RASSF6: variants seen among roughly 807,000 people sequenced by gnomAD.
The protein encoded by RASSF6 is ras association domain-containing protein 6.
In RASSF6, 52 loss-of-function variants were observed where a neutral mutation model predicts 44.0. The observed-to-expected ratio is 1.18, with a 90% CI of 0.95 to 1.49. RASSF6 has a LOEUF of 1.49. Among genes scored for constraint, RASSF6 ranks in the 40% most tolerant of loss-of-function variants. RASSF6 has a pLI of 0.00. For missense variants in RASSF6, 464 were observed against 393.3 expected, an observed-to-expected ratio of 1.18 and a Z score of -1.52; for synonymous variants, 162 against 124.6, an observed-to-expected ratio of 1.30 and a Z score of -2.00.
chr4:73,598,851 TTAACA>T (rs1319780107), intron 2 of RASSF6, 133 bp from the exon 3 acceptor site: 7 of 480,376 alleles, frequency 1.5e-5, no homozygotes, highest in African/African-American at 4.1e-5. Flanking sequence ...TCACTTTAAC[TTAACA>T]TAAGTCATTG....
chr4:73,594,973 T>C (rs1724831440), intron 3 of RASSF6, among the ~76,000 whole-genome samples: 1 of 152,206 alleles, frequency 6.6e-6, no homozygotes. Context: ...TAAATATTTG[T>C]TTAATTAATT....
At chr4:73,579,607 T>G (rs1248508700) in intron 8 of RASSF6, among the ~76,000 whole-genome samples, 1 of 152,134 alleles carries the variant, frequency 6.6e-6, no homozygotes, top group Non-Finnish European at 1.5e-5. Flanking sequence ...TGTATTTTCA[T>G]GCTTTTTTCT....
chr4:73,583,558 C>A (rs937873098), intron 6 of RASSF6, among the ~76,000 whole-genome samples: 38 of 152,082 alleles, frequency 2.5e-4, no homozygotes, highest in Non-Finnish European at 4.0e-4. Context: ...CGACACACAG[C>A]AACTTAAGAA....
Position 73,576,701 on chromosome 4 carries a change from G to T in RASSF6, c.752C>A (p.Pro251Gln). The T allele has an allele frequency of 6.2e-7, 1 of 1,611,862 alleles. No individual in the cohort carries two copies. The highest frequency in any genetic ancestry group is 8.5e-7 in the Non-Finnish European group (1 of 1,178,494). ...TCCCTGTAGGAGCCTCTGCAGTAGC[G>T]GAATGTCTGTCTTCTTTAGTCGTCT... Reference protein sequence around the residue: ...EQRRLKKTDIPLLQRLLQGPS... With the variant: ...EQRRLKKTDIQLLQRLLQGPS... Residue 251 changes from proline (P) to glutamine (Q), a missense_variant, in exon 9 of 11, where the codon CCG (proline) becomes CAG (glutamine). Transcript: ENST00000307439.
At chr4:73,579,027 C>T (rs1723435956) in intron 8 of RASSF6, among the ~76,000 whole-genome samples, 1 of 152,036 alleles carries the variant, frequency 6.6e-6, no homozygotes, top group African/African-American at 2.4e-5. Flanking sequence ...CCATATATAC[C>T]ACATACTTAA....
chr4:73,593,843 C>T (rs1724746815), intron 3 of RASSF6, among the ~76,000 whole-genome samples: 1 of 152,180 alleles, frequency 6.6e-6, no homozygotes, highest in African/African-American at 2.4e-5. Flanking sequence ...CACCAGAGGG[C>T]ACAGTATGTC....
intron 3 of RASSF6, among the ~76,000 whole-genome samples, chr4:73,595,014 A>T (rs760578724): frequency 6.6e-6 from 1 of 152,196 alleles, no homozygotes; most frequent in Non-Finnish European, 1.5e-5. Context: ...ATAAAGCCAC[A>T]TATTGTCATC....
chr4:73,593,789 C>A (rs937361959), intron 3 of RASSF6, among the ~76,000 whole-genome samples, 196 bp from the exon 4 acceptor site: 4 of 152,210 alleles, frequency 2.6e-5, no homozygotes, highest in African/African-American at 9.7e-5. Flanking sequence ...TTGAAAACAG[C>A]TATACCCAGC....
chr4:73,600,253 T>G (rs561855929), intron 2 of RASSF6, among the ~76,000 whole-genome samples: 7 of 152,312 alleles, frequency 4.6e-5, no homozygotes, highest in African/African-American at 1.7e-4. Flanking sequence ...TTGTTCACAC[T>G]GTATCCTGTG....
At chr4:73,602,163 AT>A (rs1218525295) in intron 2 of RASSF6, among the ~76,000 whole-genome samples, 4 of 152,264 alleles carry the variant, frequency 2.6e-5, no homozygotes, top group African/African-American at 7.2e-5. Context: ...TGAGCAATGA[AT>A]GAGCCCCGTG....
At chr4:73,598,739 A>G in intron 2 of RASSF6, 21 bp from the exon 3 acceptor site, 2 of 1,053,390 alleles carry the variant, frequency 1.9e-6, no homozygotes, top group Non-Finnish European at 2.8e-6. Flanking sequence ...AAAAAAATTA[A>G]TTACAATCAG....
At chr4:73,614,281 T>C (rs1459165754) in intron 1 of RASSF6, among the ~76,000 whole-genome samples, 1 of 152,200 alleles carries the variant, frequency 6.6e-6, no homozygotes, top group Non-Finnish European at 1.5e-5. Context: ...CTCCCTCTGT[T>C]GTGGTCTGAA....
intron 1 of RASSF6, among the ~76,000 whole-genome samples, chr4:73,613,572 T>C (rs1430185842): frequency 2.0e-5 from 3 of 152,088 alleles, no homozygotes; most frequent in Admixed American, 2.0e-4. Flanking sequence ...TCCAGATTAT[T>C]TATCATATAT....
In RASSF6 at chr4:73,581,826, CA is replaced by C. The variant is rs776188559; in HGVS notation, c.711del (p.Phe237LeufsTer9). ...SPQDFALHII[F>X]ATGEQRRLKK... ...GATCAAGCTTTCTTACCTCCTGTTG[CA>C]AAAATAATGTGAAGAGCAAAATCCT... On this transcript the variant is annotated frameshift_variant, in exon 8 of 11. Coordinates refer to ENST00000307439, the MANE Select transcript of RASSF6 (RefSeq NM_177532.5). LOFTEE classifies it high-confidence loss of function. 1 of 1,608,594 alleles carries C rather than the reference CA, an allele frequency of 6.2e-7. No homozygotes were observed. The highest frequency in any genetic ancestry group is 1.1e-5 in the South Asian group (1 of 90,690).
At chr4:73,588,996 G>A (rs79272273) in intron 4 of RASSF6, among the ~76,000 whole-genome samples, 4,416 of 152,062 alleles carry the variant, frequency 0.029, 87 homozygotes, top group South Asian at 0.06. Flanking sequence ...GACTCTGCCC[G>A]AATTTCATTG....
At chr4:73,578,742 G>C (rs1344865035) in intron 8 of RASSF6, among the ~76,000 whole-genome samples, 1 of 151,764 alleles carries the variant, frequency 6.6e-6, no homozygotes, top group East Asian at 1.9e-4. Context: ...CTGAGTAGCT[G>C]GGATTACAGG....
intron 3 of RASSF6, 143 bp downstream of exon 3, chr4:73,598,497 G>T: frequency 4.0e-6 from 2 of 505,666 alleles, no homozygotes; most frequent in Non-Finnish European, 7.0e-6. Flanking sequence ...TGCTTAGAAA[G>T]TCACAAGTGT....
intron 1 of RASSF6, among the ~76,000 whole-genome samples, chr4:73,617,061 C>G (rs1034908073): frequency 3.3e-5 from 5 of 152,202 alleles, no homozygotes; most frequent in African/African-American, 1.2e-4. Context: ...TTTGCAGAGA[C>G]AGTAAAGGTC....
intron 1 of RASSF6, among the ~76,000 whole-genome samples, chr4:73,613,250 C>A (rs1726142870): frequency 6.6e-6 from 1 of 152,160 alleles, no homozygotes; most frequent in South Asian, 2.1e-4. Flanking sequence ...AGGACTCATA[C>A]CAGAGACACA....
Sources: gnomAD v4.1 joint callset for allele counts (sites outside exome capture counted in the v4.1 genomes callset) on GRCh38, gnomAD v4.1.1 for gene constraint, MANE v1.5 for transcripts, NCBI Gene and HGNC (gene_info 2026-07-23, HGNC 2026-07-21) for gene names.